The following FAHD2B variants were observed in gnomAD, a reference collection of about 807,000 sequenced individuals.
FAHD2B encodes the protein fumarylacetoacetate hydrolase domain containing 2B.
FAHD2B carries 26 observed loss-of-function variants against 33.7 expected under a neutral mutation model. The ratio of observed to expected loss-of-function variants is 0.77; its 90% CI spans 0.57 to 1.07. The LOEUF is 1.07. FAHD2B is among the 50% of genes least tolerant of loss of function. The pLI, the probability that FAHD2B is intolerant of heterozygous loss-of-function variation, is 0.00. For synonymous variants in FAHD2B, 108 were observed against 150.9 expected, an observed-to-expected ratio of 0.72 and a Z score of 2.08; for missense variants, 272 against 388.1, an observed-to-expected ratio of 0.70 and a Z score of 2.51.
intron 6 of FAHD2B, among the ~76,000 whole-genome samples, chr2:97,085,067 T>C (rs2031882027): frequency 6.6e-6 from 1 of 152,130 alleles, no homozygotes; most frequent in African/African-American, 2.4e-5. Flanking sequence ...TTGGTCTTAG[T>C]GTTCTACCAC....
Position 97,092,774 on chromosome 2 carries a change from C to A in FAHD2B, c.-132-786G>T, listed in dbSNP as rs185947480. On this transcript the variant is annotated intron_variant, in intron 1 of 8. Transcript: ENST00000414820. ...TCACTTGAGGTCAGGAGTTCAAGAC[C>A]AGCCTGGCCAACATGGTGAAACCCT... Among the ~76,000 whole-genome samples, 687 of 151,816 alleles carry A rather than the reference C, an allele frequency of 4.5e-3. 6 individuals are homozygous for A. The highest frequency in any genetic ancestry group is 0.016 in the African/African-American group (651 of 41,420).
intron 4 of FAHD2B, among the ~76,000 whole-genome samples, chr2:97,087,391 A>G (rs1352446523): frequency 1.3e-5 from 2 of 152,082 alleles, no homozygotes; most frequent in Non-Finnish European, 2.9e-5. Context: ...CAAAAACTGC[A>G]TGATTTAGAA....
downstream of FAHD2B, among the ~76,000 whole-genome samples, chr2:97,080,489 G>C (rs2031604282): frequency 6.6e-6 from 1 of 151,990 alleles, no homozygotes; most frequent in Non-Finnish European, 1.5e-5. Flanking sequence ...GGTTACTGTA[G>C]ACCTGTAGTA....
intron 4 of FAHD2B, 109 bp downstream of exon 4, chr2:97,090,000 T>G: frequency 7.0e-7 from 1 of 1,437,564 alleles, no homozygotes; most frequent in Non-Finnish European, 9.5e-7. Flanking sequence ...GTAGAGTTTC[T>G]GTTGAATGCA....
Position 97,083,834 on chromosome 2 carries a change from C to T in FAHD2B, c.883-17G>A, listed in dbSNP as rs1284104022. The T allele has an allele frequency of 6.2e-7, 1 of 1,614,080 alleles. No homozygotes were observed. Among genetic ancestry groups the T allele is most frequent in the Admixed American group, 1.7e-5 (1 of 59,970 alleles). ...ATCCCCCTTCTGCAACAGAGCAGGC[C>T]ATGACGGTGTCAGCCCTTCCGTCAG... is the stretch of plus-strand genomic sequence containing the variant. On this transcript the variant is annotated splice_polypyrimidine_tract_variant and intron_variant, in intron 8 of 8. Coordinates refer to ENST00000414820, the MANE Select transcript of FAHD2B (RefSeq NM_001320848.2).
chr2:97,082,777 A>G, downstream of FAHD2B: 1 of 1,466,834 alleles, frequency 6.8e-7, no homozygotes, highest in Non-Finnish European at 9.6e-7. Flanking sequence ...AGCCAGTGTC[A>G]CCATCTTCTG....
Position 97,087,298 on chromosome 2 carries a change from G to T in FAHD2B, c.463-1100C>A, listed in dbSNP as rs377575110. The stretch of plus-strand genomic sequence containing the variant: ...GATCTCCTGAACTCGTGATCTGCCC[G>T]CTTTGGCCTCCCAAAGTGCTGAGAT... On this transcript the variant is annotated intron_variant, in intron 4 of 8. Transcript: ENST00000414820. 1.4e-4 allele frequency among the ~76,000 whole-genome samples: 21 copies of T among 152,174 alleles called. 1 individual carries two copies. In the East Asian group the frequency reaches 4.1e-3, roughly 29 times the overall value.
chr2:97,086,049 G>A (rs62155551), intron 5 of FAHD2B, 90 bp downstream of exon 5: 935,967 of 1,380,014 alleles, frequency 0.68, 351,855 homozygotes, highest in Non-Finnish European at 0.78. Context: ...AGCTGGTGCC[G>A]TGTGTCGGTG....
downstream of FAHD2B, chr2:97,082,523 T>G: frequency 6.2e-7 from 1 of 1,605,586 alleles, no homozygotes; most frequent in Non-Finnish European, 8.5e-7. Context: ...TGGTGGCTGC[T>G]GCCCCCTGCC....
In FAHD2B at chr2:97,091,529, G is replaced by A; in HGVS notation, c.178C>T (p.Pro60Ser). 1 of 1,613,532 alleles carries A rather than the reference G, an allele frequency of 6.2e-7. No individual in the cohort carries two copies. Among genetic ancestry groups the A allele is most frequent in the Non-Finnish European group, 8.5e-7 (1 of 1,179,922 alleles). ...GGVINLNAFDPTLPKTMTQFL... is the reference protein window; with the variant it reads ...GGVINLNAFDSTLPKTMTQFL... Reference sequence around the variant, plus strand: ...TGCGTCATCGTCTTTGGGAGTGTGGGGTCAAAGGCATTGAGGTTGATAACC... The same window carrying A: ...TGCGTCATCGTCTTTGGGAGTGTGGAGTCAAAGGCATTGAGGTTGATAACC... Residue 60 changes from proline to serine, a missense_variant, in exon 3 of 9, where the codon CCC becomes TCC. Pro to Ser is a moderately conservative substitution (Grantham distance 74). Transcript: ENST00000414820.
rs1318564070 is a variant in FAHD2B, at chr2:97,084,104, C to G, written c.794+65G>C. On this transcript the variant is annotated intron_variant, in intron 7 of 8. Coordinates refer to ENST00000414820, the MANE Select transcript of FAHD2B (RefSeq NM_001320848.2). ...AGTGGCCACAGCCAAAGGTGGAGGG[C>G]TCAGGTCAGCCTCCACATGTGTGGC... The G allele has an allele frequency of 5.6e-6, 9 of 1,613,008 alleles. 1 individual carries two copies. In the Admixed American group the frequency reaches 1.5e-4, roughly 27 times the overall value.
At chr2:97,079,688 G>A (rs2872842), downstream of FAHD2B, among the ~76,000 whole-genome samples, 173 of 146,722 alleles carry the variant, frequency 1.2e-3, 1 homozygote, top group African/African-American at 3.9e-3. Context: ...TTTTTGAGAC[G>A]GAGTCTCACT....
rs1312495566 is a variant in FAHD2B at position 97,091,702 on chromosome 2, AGCATCAGAGCCT to A, written c.-6-2_4del. 3.1e-6 allele frequency: 5 copies of A among 1,610,630 alleles called. No individual in the cohort carries two copies. The African/African-American group carries it at 6.7e-5, about 22-fold the overall frequency. On this transcript the variant is annotated splice_acceptor_variant and coding_sequence_variant and 5_prime_UTR_variant, in exon 3 of 9. Transcript: ENST00000414820. LOFTEE classifies it high-confidence loss of function. ...GAGTAATCTTCTTCTACCAGACACCAGCATCAGAGCCTGCAGAGAAAAACACAGGATCCAGGA... is the reference window on the plus strand; with the variant it reads ...GAGTAATCTTCTTCTACCAGACACCAGCAGAGAAAAACACAGGATCCAGGA...
chr2:97,082,515 G>C (rs2031684381), downstream of FAHD2B: 2 of 1,608,050 alleles, frequency 1.2e-6, no homozygotes, highest in East Asian at 4.5e-5. Context: ...GTGTTTGCTG[G>C]TGGCTGCTGC....
intron 4 of FAHD2B, chr2:97,086,920 C>G (rs1403310568): frequency 1.3e-5 from 2 of 152,052 alleles, no homozygotes; most frequent in African/African-American, 4.8e-5. Context: ...GGGGATGGAA[C>G]AAACTTGAAG....
intron 4 of FAHD2B, among the ~76,000 whole-genome samples, 159 bp from the exon 5 acceptor site, chr2:97,086,357 G>T (rs1281300479): frequency 1.3e-5 from 2 of 152,078 alleles, no homozygotes; most frequent in African/African-American, 2.4e-5. Flanking sequence ...AGGGAGGTGT[G>T]ACTTGTAGAC....
chr2:97,081,507 G>T (rs972953826), downstream of FAHD2B: 2 of 1,575,108 alleles, frequency 1.3e-6, no homozygotes, highest in Non-Finnish European at 8.6e-7. Flanking sequence ...GCTCCTGGTT[G>T]CTGAGGAGGT....
At chr2:97,085,893 G>A in intron 5 of FAHD2B, 32 bp from the exon 6 acceptor site, 1 of 1,613,234 alleles carries the variant, frequency 6.2e-7, no homozygotes. Flanking sequence ...CCATACAGGA[G>A]GTTAGATCAC....
chr2:97,091,587 A>G lies in FAHD2B; in HGVS notation c.120T>C (p.Pro40=), dbSNP rs1434948165. 1.2e-6 allele frequency: 2 copies of G among 1,613,846 alleles called. No individual in the cohort carries two copies. The highest frequency in any genetic ancestry group is 1.7e-6 in the Non-Finnish European group (2 of 1,179,998). Residue 40 remains proline, a synonymous_variant, in exon 3 of 9, where the codon CCT becomes CCC. Transcript: ENST00000414820. ...CATTCCCTGTCTCCAGGCCCAAGTG[A>G]GGCCCCACCAGGTGGGGTGCCCGGA... ...VQFRAPHLVG[P]HLGLETGNGG... is the part of the protein sequence containing the mutation.
Sources: gnomAD v4.1 joint callset for allele counts (sites outside exome capture counted in the v4.1 genomes callset) on GRCh38, gnomAD v4.1.1 for gene constraint, MANE v1.5 for transcripts, NCBI Gene and HGNC (gene_info 2026-07-23, HGNC 2026-07-21) for gene names.